Variants in MAP3K15 observed in about 807,000 individuals in gnomAD.
MAP3K15 encodes mitogen-activated protein kinase kinase kinase 15.
A neutral mutation model predicts 99.5 loss-of-function variants in MAP3K15; 124 were observed. The observed-to-expected ratio is 1.25, with a 90% confidence interval of 1.08 to 1.45. The LOEUF (loss-of-function observed/expected upper bound fraction) is 1.45. Ranked by LOEUF, MAP3K15 falls within the 40% of genes most tolerant of loss-of-function variation. The pLI, the probability that MAP3K15 is intolerant of heterozygous loss-of-function variation, is 0.00. For synonymous variants in MAP3K15, 494 were observed against 439.6 expected (o/e 1.12, Z -1.55); for missense variants, 1,242 against 1,079.7 (o/e 1.15, Z -2.11).
chrX:19,373,701 G>A lies in MAP3K15; in HGVS notation c.2774-6C>T. ...GACGACACCGCGGGGACCTTCTGTA[G>A]GGGGACAGCCAGACACCGAATGGGG... is the stretch of plus-strand genomic sequence containing the variant. On this transcript the variant is annotated splice_region_variant and splice_polypyrimidine_tract_variant and intron_variant, in intron 20 of 28. Coordinates refer to ENST00000338883, the MANE Select transcript of MAP3K15 (RefSeq NM_001001671.4). 2.5e-6 allele frequency: 3 copies of A among 1,196,848 alleles called. No homozygotes were observed. Among genetic ancestry groups the A allele is most frequent in the Non-Finnish European group, 3.4e-6 (3 of 893,464 alleles).
intron 19 of MAP3K15, among the ~76,000 whole-genome samples, chrX:19,378,241 G>T (rs1393070206): frequency 2.7e-5 from 3 of 112,546 alleles, no homozygotes; most frequent in Admixed American, 9.4e-5. Context: ...ATAAGCAATG[G>T]CCATTTGGCC....
chrX:19,477,567 G>A (rs1010189272), intron 3 of MAP3K15, among the ~76,000 whole-genome samples: 20 of 103,641 alleles, frequency 1.9e-4, no homozygotes, highest in East Asian at 6.3e-4. Flanking sequence ...AAAATTAGCC[G>A]GGCATGGTGG....
intron 19 of MAP3K15, 23 bp from the exon 20 acceptor site, chrX:19,374,683 C>G (rs781200573): frequency 1.7e-6 from 2 of 1,189,461 alleles, no homozygotes; most frequent in Non-Finnish European, 2.3e-6. Context: ...GAGAGGTAAC[C>G]GATGTGTCAG....
At chrX:19,426,449 T>C (rs1358336315) in intron 7 of MAP3K15, 106 bp from the exon 8 acceptor site, 4 of 438,022 alleles carry the variant, frequency 9.1e-6, no homozygotes, top group Admixed American at 5.2e-5. Context: ...CTAAATTTGT[T>C]GTTGCCCATT....
chrX:19,424,195 C>CAT lies in MAP3K15; in HGVS notation c.1439+1335_1439+1336insAT, dbSNP rs1277008351. Among the ~76,000 whole-genome samples, 257 of 101,733 alleles carry CAT rather than the reference C, an allele frequency of 2.5e-3. 8 individuals carry two copies. The highest frequency in any genetic ancestry group is 0.022 in the Admixed American group (212 of 9,498). The allele number at this position is 101,733 out of a possible 115,157, so 88.3% of individuals were successfully genotyped here. On this transcript the variant is annotated intron_variant, in intron 9 of 28. Transcript: ENST00000338883. ...CCTTCCAGCAAATCATGTATATATA[C>CAT]ACACACACACACACATATATACACA...
intron 6 of MAP3K15, among the ~76,000 whole-genome samples, chrX:19,433,835 T>G (rs1347313209): frequency 1.8e-5 from 2 of 112,278 alleles, no homozygotes; most frequent in Non-Finnish European, 3.8e-5. Flanking sequence ...TGAACAAAGA[T>G]GTTTGTTATG....
intron 1 of MAP3K15, chrX:19,496,516 C>T (rs1352668306): frequency 2.7e-5 from 3 of 111,345 alleles, no homozygotes; most frequent in Non-Finnish European, 5.6e-5. Flanking sequence ...CAGATAGCAA[C>T]CTCTTCTTTC....
At chrX:19,494,255 G>A (rs1286196391) in intron 1 of MAP3K15, among the ~76,000 whole-genome samples, 2 of 111,119 alleles carry the variant, frequency 1.8e-5, no homozygotes, top group East Asian at 2.8e-4. Flanking sequence ...GAACCTAGAA[G>A]TTCAAGTCCA....
intron 16 of MAP3K15, among the ~76,000 whole-genome samples, chrX:19,392,905 C>G (rs1435524836): frequency 2.7e-5 from 3 of 110,194 alleles, no homozygotes; most frequent in African/African-American, 9.9e-5. Context: ...TATACCTTGT[C>G]TGTAATCAGA....
intron 1 of MAP3K15, among the ~76,000 whole-genome samples, chrX:19,500,766 A>T (rs745747401): frequency 2.0e-4 from 23 of 112,578 alleles, no homozygotes; most frequent in Admixed American, 5.7e-4. Flanking sequence ...TCAAAGCCAG[A>T]TACATAGAAG....
intron 18 of MAP3K15, among the ~76,000 whole-genome samples, 198 bp from the exon 19 acceptor site, chrX:19,380,475 T>C (rs2063451201): frequency 9.0e-6 from 1 of 111,259 alleles, no homozygotes. Flanking sequence ...GTGAAATGAA[T>C]GGCTTCACAA....
chrX:19,396,716 C>A (rs2063569787), intron 15 of MAP3K15, among the ~76,000 whole-genome samples: 1 of 111,031 alleles, frequency 9.0e-6, no homozygotes, highest in Non-Finnish European at 1.9e-5. Flanking sequence ...TATCAGCAAT[C>A]ACCCAGATAC....
At chrX:19,512,082 A>C (rs1308699451) in intron 1 of MAP3K15, among the ~76,000 whole-genome samples, 1 of 111,232 alleles carries the variant, frequency 9.0e-6, no homozygotes, top group Non-Finnish European at 1.9e-5. Context: ...AAAACCAAAC[A>C]CTACATGTTC....
At position 19,415,203 on chromosome X, in the gene MAP3K15, G is replaced by T. The variant is rs2063724006; in HGVS notation, c.1494C>A (p.Thr498=). The change falls in exon 10 of 29, where the codon ACC becomes ACA. Residue 498 remains threonine, a synonymous_variant. Transcript: ENST00000338883. ...CTTGCCTGGGCGAGTGTTCAATAAT[G>T]GTTTTCTTGAAGCGCCGAATTAGTA... The part of the protein sequence containing the change: ...NLLLIRRFKK[T]IIEHSPRQER... 1 of 1,179,542 alleles carries T rather than the reference G, an allele frequency of 8.5e-7. No individual in the cohort carries two copies.
intron 6 of MAP3K15, among the ~76,000 whole-genome samples, chrX:19,440,397 G>A (rs1035663756): frequency 5.3e-5 from 6 of 112,710 alleles, no homozygotes; most frequent in African/African-American, 1.6e-4. Context: ...CAGATGCCTC[G>A]TATTTACATA....
chrX:19,436,533 T>A (rs1443380401), intron 6 of MAP3K15, among the ~76,000 whole-genome samples: 1 of 111,416 alleles, frequency 9.0e-6, no homozygotes, highest in African/African-American at 3.3e-5. Context: ...GCCATGACTT[T>A]TCAAACCATC....
intron 7 of MAP3K15, among the ~76,000 whole-genome samples, chrX:19,426,824 A>AAC (rs2063835578): frequency 2.0e-5 from 2 of 100,849 alleles, no homozygotes; most frequent in African/African-American, 8.1e-5. Context: ...TCTCCAAAAA[A>AAC]AAAAAAAAAA....
intron 3 of MAP3K15, among the ~76,000 whole-genome samples, chrX:19,481,438 A>T: frequency 9.0e-6 from 1 of 111,480 alleles, no homozygotes; most frequent in Non-Finnish European, 1.9e-5. Flanking sequence ...TCTAAAAGAA[A>T]ACATAGGAGT....
intron 6 of MAP3K15, among the ~76,000 whole-genome samples, chrX:19,439,108 A>T (rs1462170251): frequency 9.0e-6 from 1 of 111,110 alleles, no homozygotes; most frequent in African/African-American, 3.3e-5. Flanking sequence ...GAGGCAGGAG[A>T]ATTGCTCAAA....
Sources: allele counts gnomAD v4.1 joint callset (sites outside exome capture counted in the v4.1 genomes callset), GRCh38; gene constraint gnomAD v4.1.1; transcripts MANE v1.5; gene names NCBI Gene and HGNC (gene_info 2026-07-23, HGNC 2026-07-21).